The following RBMS1 variants were observed in gnomAD, a reference collection of about 807,000 sequenced individuals.
RBMS1 encodes RNA-binding motif, single-stranded-interacting protein 1.
RBMS1 carries 17 observed loss-of-function variants against 62.3 expected under a neutral mutation model. The observed-to-expected ratio is 0.27, with a 90% CI of 0.19 to 0.41. The LOEUF (loss-of-function observed/expected upper bound fraction) is 0.41, where lower values mean the gene tolerates loss of function less well. RBMS1 is among the 10% of genes least tolerant of loss of function. The pLI is 1.00. For missense variants in RBMS1, 334 were observed against 504.5 expected (o/e 0.66, Z 3.24); for synonymous variants, 172 against 170.0 (o/e 1.01, Z -0.09).
At chr2:160,319,287 G>A (rs1018405999) in intron 2 of RBMS1, among the ~76,000 whole-genome samples, 2 of 152,174 alleles carry the variant, frequency 1.3e-5, no homozygotes, top group Non-Finnish European at 2.9e-5. Context: ...TGAGGCGGAT[G>A]GATCACTTGT....
chr2:160,352,594 T>C (rs183269525), intron 2 of RBMS1, among the ~76,000 whole-genome samples: 24 of 152,286 alleles, frequency 1.6e-4, no homozygotes, highest in African/African-American at 5.3e-4. Context: ...TATCTCCTGC[T>C]ATCTCTTTGT....
At chr2:160,345,917 G>A (rs1692148715) in intron 2 of RBMS1, among the ~76,000 whole-genome samples, 1 of 152,150 alleles carries the variant, frequency 6.6e-6, no homozygotes, top group African/African-American at 2.4e-5. Context: ...AAAGTATGGT[G>A]TCAAAATTGG....
intron 1 of RBMS1, among the ~76,000 whole-genome samples, chr2:160,426,906 T>C (rs969121087): frequency 1.4e-4 from 21 of 152,196 alleles, no homozygotes; most frequent in Non-Finnish European, 2.8e-4. Flanking sequence ...TCAAGGCAAC[T>C]TAGTGGTTTG....
At chr2:160,380,143 A>G (rs376096519) in intron 1 of RBMS1, among the ~76,000 whole-genome samples, 2 of 152,236 alleles carry the variant, frequency 1.3e-5, no homozygotes, top group African/African-American at 4.8e-5. Context: ...AATGCACAAA[A>G]TAAGAAAATG....
chr2:160,331,741 C>T (rs573839719), intron 2 of RBMS1, among the ~76,000 whole-genome samples: 69 of 152,256 alleles, frequency 4.5e-4, no homozygotes, highest in African/African-American at 1.6e-3. Flanking sequence ...TCACATCCTA[C>T]AAGGAAGGAA....
At chr2:160,286,875 G>A in intron 7 of RBMS1, 94 bp downstream of exon 7, 1 of 1,590,102 alleles carries the variant, frequency 6.3e-7, no homozygotes, top group Non-Finnish European at 8.6e-7. Flanking sequence ...GAAGTGTGCA[G>A]CCAAGTCAAG....
At chr2:160,303,940 C>G (rs1689350507) in intron 4 of RBMS1, among the ~76,000 whole-genome samples, 1 of 152,058 alleles carries the variant, frequency 6.6e-6, no homozygotes, top group South Asian at 2.1e-4. Flanking sequence ...AGGGATCTGC[C>G]TAAATTTCCG....
intron 4 of RBMS1, among the ~76,000 whole-genome samples, chr2:160,308,210 A>G (rs1308647934): frequency 2.0e-5 from 3 of 152,088 alleles, no homozygotes; most frequent in African/African-American, 7.2e-5. Flanking sequence ...CCTGGGCAAC[A>G]TGGCGAAACC....
chr2:160,460,088 A>G (rs1040417878), intron 1 of RBMS1, among the ~76,000 whole-genome samples: 20 of 152,224 alleles, frequency 1.3e-4, no homozygotes, highest in African/African-American at 4.3e-4. Context: ...TCCCTGAAGC[A>G]GGTGATGGCT....
At chr2:160,374,156 G>T (rs1468581837) in intron 1 of RBMS1, among the ~76,000 whole-genome samples, 2 of 152,134 alleles carry the variant, frequency 1.3e-5, no homozygotes, top group Non-Finnish European at 2.9e-5. Context: ...TACTGAAAAG[G>T]CTGAGACAAG....
intron 2 of RBMS1, among the ~76,000 whole-genome samples, chr2:160,336,606 TTATTTTCAATAA>T (rs1417769647): frequency 6.6e-6 from 1 of 152,144 alleles, no homozygotes; most frequent in Non-Finnish European, 1.5e-5. Context: ...ACAGATGAAA[TTATTTTCAATAA>T]TATTTTCAAT....
chr2:160,397,326 C>A (rs1345011109), intron 1 of RBMS1, among the ~76,000 whole-genome samples: 4 of 152,048 alleles, frequency 2.6e-5, no homozygotes, highest in African/African-American at 7.2e-5. Context: ...GAATCCTAAG[C>A]TTTCATAAAA....
intron 1 of RBMS1, among the ~76,000 whole-genome samples, chr2:160,426,297 A>AAGAAAGAAGGAAGGAAG (rs1682606327): frequency 3.6e-5 from 2 of 56,162 alleles, no homozygotes; most frequent in Non-Finnish European, 7.2e-5. Context: ...AAGAAAAGAA[A>AAGAAAGAAGGAAGGAAG]GAAGGAAGGA....
chr2:160,423,359 T>G (rs1402902141), intron 1 of RBMS1, among the ~76,000 whole-genome samples: 1 of 126,252 alleles, frequency 7.9e-6, no homozygotes, highest in African/African-American at 2.8e-5. Context: ...TCTTCTCTAT[T>G]CTAAAAAAAA....
At chr2:160,397,431 T>G (rs1324751856) in intron 1 of RBMS1, among the ~76,000 whole-genome samples, 1 of 152,146 alleles carries the variant, frequency 6.6e-6, no homozygotes, top group Non-Finnish European at 1.5e-5. Flanking sequence ...AGCCCTTTCC[T>G]GTAAGACTAA....
At chr2:160,366,887 G>A (rs1693427048) in intron 2 of RBMS1, 2 of 192,114 alleles carry the variant, frequency 1.0e-5, no homozygotes, top group South Asian at 2.0e-4. Flanking sequence ...GCCCTCAGAG[G>A]TGCATCCACA....
intron 7 of RBMS1, 77 bp from the exon 8 acceptor site, chr2:160,285,121 G>T: frequency 7.1e-7 from 1 of 1,410,498 alleles, no homozygotes; most frequent in Non-Finnish European, 1.0e-6. Context: ...GCCAGGTGTG[G>T]TGGTGTGCAC....
chr2:160,407,838 C>T (rs1280773827), intron 1 of RBMS1: 2 of 981,282 alleles, frequency 2.0e-6, no homozygotes, highest in Non-Finnish European at 1.2e-6. Context: ...GTCGCCGACT[C>T]TCCCGGCGGC....
At chr2:160,371,845 C>A (rs1693741643) in intron 1 of RBMS1, among the ~76,000 whole-genome samples, 1 of 152,132 alleles carries the variant, frequency 6.6e-6, no homozygotes, top group African/African-American at 2.4e-5. Context: ...CGCCAGAAGC[C>A]CCACTGGGCC....
Sources: allele counts gnomAD v4.1 joint callset (sites outside exome capture counted in the v4.1 genomes callset), GRCh38; gene constraint gnomAD v4.1.1; transcripts MANE v1.5; gene names NCBI Gene and HGNC (gene_info 2026-07-23, HGNC 2026-07-21).